Variants in ZFAND3 observed in about 807,000 individuals in gnomAD.
ZFAND3 encodes the protein zinc finger AN1-type containing 3.
A neutral mutation model predicts 29.6 loss-of-function variants in ZFAND3; 10 were observed. The observed-to-expected ratio is 0.34, with a 90% CI of 0.21 to 0.57. The LOEUF is 0.57. ZFAND3 is among the 20% of genes least tolerant of loss of function. The pLI is 0.86. For synonymous variants in ZFAND3, 128 were observed against 112.6 expected, an observed-to-expected ratio of 1.14 and a Z score of -0.87; for missense variants, 230 against 304.5, an observed-to-expected ratio of 0.76 and a Z score of 1.82.
At position 38,094,001 on chromosome 6, in the gene ZFAND3, A is replaced by T. The variant is rs1035318517; in HGVS notation, c.361+11544A>T. On this transcript the variant is annotated intron_variant, in intron 4 of 5. Coordinates refer to ENST00000287218, the MANE Select transcript of ZFAND3 (RefSeq NM_021943.3). ...CAAGCAAGACTCAGCAGAGGCAGAA[A>T]CCCAGAAGGGTTATTTCTATCTAAG... Among the ~76,000 whole-genome samples the T allele has an allele frequency of 2.0e-5, 3 of 152,176 alleles. No individual in the cohort carries two copies. In the East Asian group the frequency reaches 5.8e-4, roughly 29 times the overall value.
chr6:37,992,707 C>A (rs891052204), intron 2 of ZFAND3, among the ~76,000 whole-genome samples: 3 of 152,022 alleles, frequency 2.0e-5, no homozygotes, highest in Non-Finnish European at 4.4e-5. Context: ...TCTTTAATTG[C>A]CCCTCAAATG....
At position 38,077,413 on chromosome 6, in the gene ZFAND3, ATAAT is replaced by A. The variant is rs1176556222; in HGVS notation, c.296-4976_296-4973del. ...GCCTACAGTGCCTTTAGTTGATAAA[ATAAT>A]TAGATACTTTTATGTAAATGTCATG... is the stretch of plus-strand genomic sequence containing the variant. On this transcript the variant is annotated intron_variant, in intron 3 of 5. Coordinates refer to ENST00000287218, the MANE Select transcript of ZFAND3 (RefSeq NM_021943.3). Among the ~76,000 whole-genome samples, 4 of 152,084 alleles carry A rather than the reference ATAAT, an allele frequency of 2.6e-5. 1 individual carries two copies. Among genetic ancestry groups the A allele is most frequent in the African/African-American group, 9.7e-5 (4 of 41,420 alleles).
chr6:37,871,871 G>A (rs200505363), intron 1 of ZFAND3, among the ~76,000 whole-genome samples: 1 of 152,098 alleles, frequency 6.6e-6, no homozygotes, highest in East Asian at 1.9e-4. Context: ...GTTTTAGCAG[G>A]CATTTCACTT....
intron 2 of ZFAND3, among the ~76,000 whole-genome samples, chr6:37,990,662 G>T (rs907878188): frequency 1.3e-5 from 2 of 152,124 alleles, no homozygotes; most frequent in African/African-American, 4.8e-5. Context: ...AATATAATCA[G>T]TATAAAAGTA....
chr6:37,948,991 C>G (rs1761949063), intron 2 of ZFAND3, among the ~76,000 whole-genome samples: 1 of 152,124 alleles, frequency 6.6e-6, no homozygotes, highest in African/African-American at 2.4e-5. Flanking sequence ...TATACAAACT[C>G]AGTAATAGAT....
intron 3 of ZFAND3, among the ~76,000 whole-genome samples, chr6:38,065,161 C>T (rs139317115): frequency 1.7e-3 from 260 of 152,066 alleles, no homozygotes; most frequent in African/African-American, 5.9e-3. Flanking sequence ...TACAAAAATA[C>T]AAAAATTAGC....
Position 37,981,275 on chromosome 6 carries a change from A to G in ZFAND3, c.112+51276A>G, listed in dbSNP as rs145373684. Among the ~76,000 whole-genome samples the G allele has an allele frequency of 1.8e-4, 27 of 152,356 alleles. No individual in the cohort carries two copies. In the East Asian group the frequency reaches 4.6e-3, roughly 26 times the overall value. ...TCAAGACATTTGGGGCACTTAAACA[A>G]AAACTACAACATGGTGAGGTCAACA... On this transcript the variant is annotated intron_variant, in intron 2 of 5. Transcript: ENST00000287218.
At chr6:37,851,955 T>TA (rs2127379455) in intron 1 of ZFAND3, among the ~76,000 whole-genome samples, 1 of 152,342 alleles carries the variant, frequency 6.6e-6, no homozygotes, top group Admixed American at 6.5e-5. Flanking sequence ...TACATTGCAG[T>TA]AAAGTGTTCA....
At chr6:38,101,544 C>T (rs1157671837) in intron 4 of ZFAND3, among the ~76,000 whole-genome samples, 5 of 151,942 alleles carry the variant, frequency 3.3e-5, no homozygotes, top group Admixed American at 1.3e-4. Flanking sequence ...AATTTCGAGG[C>T]GGGCAGATCA....
At chr6:38,104,485 T>A (rs1176948139) in intron 4 of ZFAND3, among the ~76,000 whole-genome samples, 1 of 152,090 alleles carries the variant, frequency 6.6e-6, no homozygotes, top group Admixed American at 6.6e-5. Flanking sequence ...GTAAAGAAAC[T>A]TTTGTGGATG....
intron 2 of ZFAND3, among the ~76,000 whole-genome samples, chr6:38,051,038 G>T (rs1764015777): frequency 6.6e-6 from 1 of 152,172 alleles, no homozygotes; most frequent in African/African-American, 2.4e-5. Context: ...TTTAGGGGTA[G>T]GAATAGCCCC....
Position 37,977,828 on chromosome 6 carries a change from T to TTTTCTTTCTTCCTTCCTTCCTTCCTTCC in ZFAND3, c.112+47831_112+47832insTCTTTCTTCCTTCCTTCCTTCCTTCCTT, listed in dbSNP as rs70981515. On this transcript the variant is annotated intron_variant, in intron 2 of 5. Transcript: ENST00000287218. ...TGAATGTTGAATTTTGTAAAATGCT[T>TTTTCTTTCTTCCTTCCTTCCTTCCTTCC]TTCCTTCCTTCCTTCCTTCCTTCCT... Among the ~76,000 whole-genome samples the TTTTCTTTCTTCCTTCCTTCCTTCCTTCC allele has an allele frequency of 4.8e-3, 368 of 76,400 alleles. 15 individuals carry two copies. The highest frequency in any genetic ancestry group is 5.8e-3 in the African/African-American group (117 of 20,152). The allele number at this position is 76,400 out of a possible 152,430, so 50.1% of individuals were successfully genotyped here. A position where few individuals can be genotyped will look rare whatever the true frequency, so the allele number is the denominator to read the frequency against.
Position 38,122,660 on chromosome 6 carries a change from C to A in ZFAND3, c.529+5921C>A, listed in dbSNP as rs557746402. On this transcript the variant is annotated intron_variant, in intron 5 of 5. Transcript: ENST00000287218. The stretch of plus-strand genomic sequence containing the variant: ...CTGGAATCAGCCACTTCTCCAAGGA[C>A]CCCCAAAGTGATTTTAATATGCACT... Among the ~76,000 whole-genome samples, 17 of 152,208 alleles carry A rather than the reference C, an allele frequency of 1.1e-4. 1 individual carries two copies. The South Asian group carries it at 3.5e-3, about 32-fold the overall frequency.
Position 37,974,399 on chromosome 6 carries a change from T to C in ZFAND3, c.112+44400T>C, listed in dbSNP as rs201800742. 9.3e-4 allele frequency among the ~76,000 whole-genome samples: 78 copies of C among 83,544 alleles called. 6 individuals are homozygous for C. In the East Asian group the frequency reaches 0.057, roughly 61 times the overall value. 54.8% of individuals were successfully genotyped at this position (83,544 alleles called of 152,430 possible). On this transcript the variant is annotated intron_variant, in intron 2 of 5. Coordinates refer to ENST00000287218, the MANE Select transcript of ZFAND3 (RefSeq NM_021943.3). Reference sequence around the variant, plus strand: ...GCATTATATACTCTCTCTCTCTCTCTCTCTTTTTTTTTTTTTTTTTTTGGA... The same window carrying C: ...GCATTATATACTCTCTCTCTCTCTCCCTCTTTTTTTTTTTTTTTTTTTGGA...
chr6:37,941,674 A>C (rs1761812846), intron 2 of ZFAND3, among the ~76,000 whole-genome samples: 3 of 152,158 alleles, frequency 2.0e-5, no homozygotes, highest in Non-Finnish European at 4.4e-5. Flanking sequence ...TGGAAGTGTG[A>C]TTTAATTGCA....
At chr6:37,979,003 T>C (rs547025037) in intron 2 of ZFAND3, among the ~76,000 whole-genome samples, 14 of 152,218 alleles carry the variant, frequency 9.2e-5, no homozygotes, top group South Asian at 4.2e-4. Context: ...TATCAACTTA[T>C]TGATAATCTC....
At chr6:38,049,204 A>T (rs1322977199) in intron 2 of ZFAND3, among the ~76,000 whole-genome samples, 1 of 152,182 alleles carries the variant, frequency 6.6e-6, no homozygotes, top group Non-Finnish European at 1.5e-5. Context: ...GAAGCCAAAG[A>T]CTTCGCTATA....
intron 1 of ZFAND3, among the ~76,000 whole-genome samples, chr6:37,897,078 G>C (rs1448498262): frequency 6.6e-6 from 1 of 151,836 alleles, no homozygotes; most frequent in Non-Finnish European, 1.5e-5. Context: ...AATTTACAAC[G>C]TAATGAATTT....
intron 2 of ZFAND3, among the ~76,000 whole-genome samples, chr6:37,950,975 C>A (rs1417985541): frequency 6.6e-6 from 1 of 152,174 alleles, no homozygotes; most frequent in Non-Finnish European, 1.5e-5. Flanking sequence ...GCCATTTTAA[C>A]AATATTGATT....
Sources: gnomAD v4.1 joint callset for allele counts (sites outside exome capture counted in the v4.1 genomes callset) on GRCh38, gnomAD v4.1.1 for gene constraint, MANE v1.5 for transcripts, NCBI Gene and HGNC (gene_info 2026-07-23, HGNC 2026-07-21) for gene names.